Variants in CHODL observed in about 807,000 individuals in gnomAD.
CHODL encodes chondrolectin, also known as transmembrane protein MT75.
A neutral mutation model predicts 34.5 loss-of-function variants in CHODL; 29 were observed. The ratio of observed to expected loss-of-function variants is 0.84; its 90% CI spans 0.63 to 1.15. The LOEUF is 1.15. CHODL is among the 50% of genes most tolerant of loss of function. The probability of loss-of-function intolerance (pLI) is 0.00; values close to 1 mark genes in which losing one functional copy is unlikely to be tolerated. For missense variants in CHODL, 332 were observed against 332.5 expected (o/e 1.00, Z 0.01); for synonymous variants, 125 against 116.1 (o/e 1.08, Z -0.49).
intron 2 of CHODL, among the ~76,000 whole-genome samples, chr21:18,119,601 T>G (rs183868221): frequency 2.0e-4 from 30 of 152,282 alleles, no homozygotes; most frequent in Admixed American, 7.2e-4. Context: ...CAGAGGAACA[T>G]ATGTCTAAGC....
At chr21:18,073,314 G>A (rs745472994) in intron 2 of CHODL, among the ~76,000 whole-genome samples, 3 of 152,092 alleles carry the variant, frequency 2.0e-5, no homozygotes, top group Non-Finnish European at 2.9e-5. Flanking sequence ...TCCATAAGGT[G>A]AATAAAAAAT....
intron 2 of CHODL, among the ~76,000 whole-genome samples, chr21:18,049,820 T>C (rs1260965013): frequency 1.3e-5 from 2 of 151,942 alleles, no homozygotes; most frequent in Non-Finnish European, 2.9e-5. Context: ...TACGGCTGCA[T>C]TATGGGGTCC....
At chr21:17,954,312 A>G (rs1184904121) in intron 1 of CHODL, among the ~76,000 whole-genome samples, 3 of 152,190 alleles carry the variant, frequency 2.0e-5, no homozygotes, top group Admixed American at 6.5e-5. Context: ...ACCCAAGAAC[A>G]TAGTTGCAAA....
At chr21:17,926,184 C>T (rs2063220628) in intron 1 of CHODL, among the ~76,000 whole-genome samples, 1 of 152,020 alleles carries the variant, frequency 6.6e-6, no homozygotes, top group Non-Finnish European at 1.5e-5. Flanking sequence ...ACTAATTAAA[C>T]ATAACATGTG....
chr21:18,157,158 C>T (rs1266446330), intron 2 of CHODL, among the ~76,000 whole-genome samples: 1 of 152,206 alleles, frequency 6.6e-6, no homozygotes, highest in African/African-American at 2.4e-5. Flanking sequence ...TGTTCATATA[C>T]ACCTCTCAGT....
intron 1 of CHODL, among the ~76,000 whole-genome samples, chr21:18,017,782 C>T (rs1202519551): frequency 1.3e-5 from 2 of 152,184 alleles, no homozygotes; most frequent in African/African-American, 4.8e-5. Flanking sequence ...CCTTCCAGAA[C>T]CCAGAATGAT....
chr21:18,175,241 C>A (rs559059644), intron 2 of CHODL, among the ~76,000 whole-genome samples: 1 of 152,158 alleles, frequency 6.6e-6, no homozygotes, highest in Non-Finnish European at 1.5e-5. Flanking sequence ...TCTTACATAC[C>A]CATCCAGTGT....
intron 2 of CHODL, among the ~76,000 whole-genome samples, chr21:18,093,856 C>T (rs200954142): frequency 1.3e-5 from 2 of 152,068 alleles, no homozygotes; most frequent in South Asian, 2.1e-4. Flanking sequence ...AAACACATAA[C>T]AAATGGCAGG....
intron 1 of CHODL, among the ~76,000 whole-genome samples, chr21:17,928,422 A>T (rs1463084783): frequency 6.6e-6 from 1 of 152,176 alleles, no homozygotes; most frequent in African/African-American, 2.4e-5. Flanking sequence ...CTACCCAAAG[A>T]AAAAGGACCT....
At chr21:18,182,817 T>A (rs1279251159) in intron 2 of CHODL, among the ~76,000 whole-genome samples, 1 of 152,190 alleles carries the variant, frequency 6.6e-6, no homozygotes, top group African/African-American at 2.4e-5. Context: ...AAATCCCTGT[T>A]TATTCTGTCA....
intron 1 of CHODL, among the ~76,000 whole-genome samples, chr21:17,984,019 T>A (rs2146379087): frequency 6.6e-6 from 1 of 152,286 alleles, no homozygotes; most frequent in South Asian, 2.1e-4. Context: ...GTAGAGCAGA[T>A]CTTTAGAATT....
intron 1 of CHODL, among the ~76,000 whole-genome samples, chr21:17,949,410 G>GA (rs914578240): frequency 9.2e-5 from 14 of 151,656 alleles, no homozygotes; most frequent in South Asian, 2.1e-4. Context: ...TAAAGACTGT[G>GA]AAAAAAAAGA....
intron 1 of CHODL, among the ~76,000 whole-genome samples, chr21:17,936,383 G>A (rs1009283289): frequency 1.3e-5 from 2 of 151,830 alleles, no homozygotes; most frequent in African/African-American, 2.4e-5. Context: ...GTGGAAACAA[G>A]TGTGGAAGGT....
intron 2 of CHODL, among the ~76,000 whole-genome samples, chr21:18,222,909 A>C (rs1251280395): frequency 6.6e-6 from 1 of 152,232 alleles, no homozygotes; most frequent in Non-Finnish European, 1.5e-5. Flanking sequence ...GACTACTATA[A>C]ACACAAGGAT....
Position 18,139,227 on chromosome 21 carries a change from T to A in CHODL, c.-45+111256T>A, listed in dbSNP as rs73200983. Among the ~76,000 whole-genome samples, 497 of 151,922 alleles carry A rather than the reference T, an allele frequency of 3.3e-3. 3 individuals carry two copies. The highest frequency in any genetic ancestry group is 5.6e-3 in the Non-Finnish European group (378 of 67,970). Reference sequence around the variant, plus strand: ...AGTGTAGGTAGAAATTTTTACATTGTCTGGAAATTGCAAGCGGAAGACTGT... The same window carrying A: ...AGTGTAGGTAGAAATTTTTACATTGACTGGAAATTGCAAGCGGAAGACTGT... On this transcript the variant is annotated intron_variant, in intron 2 of 6. Coordinates refer to the CHODL transcript ENST00000400127.
In CHODL at chr21:18,038,341, AC is replaced by A. The variant is rs773457036; in HGVS notation, c.-45+10372del. On this transcript the variant is annotated intron_variant, in intron 2 of 6. Coordinates refer to the CHODL transcript ENST00000400127. Reference sequence around the variant, plus strand: ...TCAAACAAAAGTAGACAATAAATTAACCTCAGGCATTTGAATGATCATCAAA... The same window carrying A: ...TCAAACAAAAGTAGACAATAAATTAACTCAGGCATTTGAATGATCATCAAA... Among the ~76,000 whole-genome samples, 20 of 151,830 alleles carry A rather than the reference AC, an allele frequency of 1.3e-4. No individual in the cohort carries two copies. In the East Asian group the frequency reaches 3.7e-3, roughly 28 times the overall value.
rs1376150466 is a variant in CHODL, at chr21:18,003,102, C to T, written c.-144-24770C>T. On this transcript the variant is annotated intron_variant, in intron 1 of 6. Transcript: ENST00000400127. ...TCGCGCCACTGCACTCCAGCCTGGG[C>T]GACAGCGAGACTCCGTCTCAAAAAA... Among the ~76,000 whole-genome samples, 9 of 144,304 alleles carry T rather than the reference C, an allele frequency of 6.2e-5. No individual in the cohort carries two copies. In the South Asian group the frequency reaches 1.3e-3, roughly 21 times the overall value. The allele number at this position is 144,304 out of a possible 152,430, so 94.7% of individuals were successfully genotyped here.
intron 2 of CHODL, among the ~76,000 whole-genome samples, chr21:18,074,437 A>G (rs1223903280): frequency 6.6e-6 from 1 of 152,168 alleles, no homozygotes; most frequent in Non-Finnish European, 1.5e-5. Flanking sequence ...GCTTTATGTA[A>G]GTTTCTTTTG....
At chr21:17,987,498 A>G (rs959004811) in intron 1 of CHODL, among the ~76,000 whole-genome samples, 14 of 152,198 alleles carry the variant, frequency 9.2e-5, no homozygotes, top group African/African-American at 3.4e-4. Flanking sequence ...TTTTATGTGC[A>G]GCACTCACAG....
Sources: allele counts gnomAD v4.1 joint callset (sites outside exome capture counted in the v4.1 genomes callset), GRCh38; gene constraint gnomAD v4.1.1; transcripts MANE v1.5; gene names NCBI Gene and HGNC (gene_info 2026-07-23, HGNC 2026-07-21).